ENOX1: variants seen among roughly 807,000 people sequenced by gnomAD.
ENOX1 encodes ecto-NOX disulfide-thiol exchanger 1, also known as candidate growth-related and time keeping constitutive hydroquinone (NADH) oxidase.
Under a neutral mutation model 82.5 loss-of-function variants are expected in ENOX1, and 42 were observed. The observed-to-expected ratio is 0.51, with a 90% CI of 0.40 to 0.66. ENOX1 has a LOEUF of 0.66. ENOX1 is among the 30% of genes least tolerant of loss of function. The pLI is 0.00. For synonymous variants in ENOX1, 271 were observed against 282.2 expected (o/e 0.96, Z 0.40); for missense variants, 608 against 811.6 (o/e 0.75, Z 3.05).
chr13:43,416,768 G>A (rs1191601533), intron 3 of ENOX1, among the ~76,000 whole-genome samples: 1 of 151,356 alleles, frequency 6.6e-6, no homozygotes, highest in Non-Finnish European at 1.5e-5. Context: ...CCCAGACAAT[G>A]GGCAGCCAGG....
chr13:43,747,448 G>A (rs1950085324), intron 1 of ENOX1, among the ~76,000 whole-genome samples: 1 of 152,134 alleles, frequency 6.6e-6, no homozygotes, highest in African/African-American at 2.4e-5. Flanking sequence ...AAGTTTCCCA[G>A]GCATCTGTAA....
intron 2 of ENOX1, among the ~76,000 whole-genome samples, chr13:43,540,858 G>C (rs2078676477): frequency 6.6e-6 from 1 of 152,132 alleles, no homozygotes. Context: ...CCTTTAACTT[G>C]AGAAACAGAA....
At chr13:43,414,682 G>A (rs1339037768) in intron 3 of ENOX1, among the ~76,000 whole-genome samples, 1 of 152,198 alleles carries the variant, frequency 6.6e-6, no homozygotes, top group African/African-American at 2.4e-5. Context: ...TTGTTCAAAT[G>A]GCCCTGTAGC....
chr13:43,607,357 T>C (rs2082020759), intron 2 of ENOX1, among the ~76,000 whole-genome samples: 1 of 152,186 alleles, frequency 6.6e-6, no homozygotes, highest in Admixed American at 6.5e-5. Flanking sequence ...AAGCTTTCTG[T>C]TTTTCCTTTC....
At chr13:43,712,719 G>C (rs1346689763) in intron 1 of ENOX1, among the ~76,000 whole-genome samples, 1 of 152,118 alleles carries the variant, frequency 6.6e-6, no homozygotes, top group Non-Finnish European at 1.5e-5. Flanking sequence ...CTCTCTGTTT[G>C]TTACTGGTGT....
intron 14 of ENOX1, among the ~76,000 whole-genome samples, chr13:43,253,778 T>C (rs922013812): frequency 1.5e-5 from 2 of 132,112 alleles, no homozygotes; most frequent in African/African-American, 5.7e-5. Flanking sequence ...CCTCCCCTGC[T>C]GCCTTCATGA....
intron 1 of ENOX1, among the ~76,000 whole-genome samples, chr13:43,678,402 A>G (rs941797982): frequency 1.3e-5 from 2 of 152,130 alleles, no homozygotes; most frequent in Non-Finnish European, 2.9e-5. Context: ...CTGTAGTTCA[A>G]TTTTTCTGTG....
intron 5 of ENOX1, among the ~76,000 whole-genome samples, chr13:43,402,304 C>T (rs1296712367): frequency 6.6e-6 from 1 of 152,176 alleles, no homozygotes; most frequent in African/African-American, 2.4e-5. Flanking sequence ...AGTTACTCTT[C>T]ATATCTAACT....
chr13:43,314,454 A>G (rs1049477415), intron 11 of ENOX1, among the ~76,000 whole-genome samples: 15 of 152,218 alleles, frequency 9.9e-5, no homozygotes, highest in African/African-American at 3.6e-4. Flanking sequence ...CAGTATCCCT[A>G]GCATCTTCAA....
chr13:43,464,932 A>G (rs1481077689), intron 3 of ENOX1, among the ~76,000 whole-genome samples: 2 of 152,102 alleles, frequency 1.3e-5, no homozygotes, highest in African/African-American at 2.4e-5. Flanking sequence ...CTTGATGTGT[A>G]TTAGCCAAGT....
intron 2 of ENOX1, among the ~76,000 whole-genome samples, chr13:43,641,030 G>A (rs1328667716): frequency 1.3e-5 from 2 of 151,994 alleles, no homozygotes; most frequent in Non-Finnish European, 2.9e-5. Flanking sequence ...GAAAGAGAAA[G>A]CAAATGATTT....
At chr13:43,411,339 T>C (rs2054113698) in intron 5 of ENOX1, among the ~76,000 whole-genome samples, 1 of 152,226 alleles carries the variant, frequency 6.6e-6, no homozygotes, top group Admixed American at 6.5e-5. Context: ...ATCTTTTAGA[T>C]GACTTTTGAC....
At chr13:43,405,574 C>T (rs1427976678) in intron 5 of ENOX1, among the ~76,000 whole-genome samples, 1 of 152,138 alleles carries the variant, frequency 6.6e-6, no homozygotes, top group East Asian at 1.9e-4. Flanking sequence ...CTATGGTTAA[C>T]CCCACTTGCA....
intron 2 of ENOX1, among the ~76,000 whole-genome samples, chr13:43,567,163 AAACCTG>A (rs967052369): frequency 2.4e-4 from 37 of 152,278 alleles, no homozygotes; most frequent in African/African-American, 8.4e-4. Flanking sequence ...TATACAACTA[AAACCTG>A]ATAGCATAAT....
intron 2 of ENOX1, among the ~76,000 whole-genome samples, chr13:43,523,093 C>T (rs948812991): frequency 2.6e-5 from 4 of 152,038 alleles, no homozygotes; most frequent in Admixed American, 6.5e-5. Context: ...TCCTGACACA[C>T]ACCACAGTCC....
intron 3 of ENOX1, among the ~76,000 whole-genome samples, chr13:43,483,365 T>C (rs902594970): frequency 6.6e-6 from 1 of 152,226 alleles, no homozygotes; most frequent in African/African-American, 2.4e-5. Context: ...ATAGCAAACA[T>C]GTATTTCCAA....
chr13:43,233,632 C>G (rs983888779), intron 15 of ENOX1, among the ~76,000 whole-genome samples: 8 of 150,720 alleles, frequency 5.3e-5, no homozygotes, highest in Non-Finnish European at 1.0e-4. Context: ...ATTTGAAGAG[C>G]TTTTTTCTCA....
intron 1 of ENOX1, among the ~76,000 whole-genome samples, chr13:43,671,887 G>A (rs1266033249): frequency 2.6e-5 from 4 of 152,170 alleles, no homozygotes; most frequent in Admixed American, 2.0e-4. Context: ...GGAAAAGCCA[G>A]TAGTGGAAAT....
chr13:43,329,005 C>T (rs2048274597), intron 9 of ENOX1, among the ~76,000 whole-genome samples: 1 of 152,162 alleles, frequency 6.6e-6, no homozygotes, highest in African/African-American at 2.4e-5. Flanking sequence ...TTTGAAGACA[C>T]AGAGAAGAGA....
Sources: allele counts gnomAD v4.1 joint callset (sites outside exome capture counted in the v4.1 genomes callset), GRCh38; gene constraint gnomAD v4.1.1; transcripts MANE v1.5; gene names NCBI Gene and HGNC (gene_info 2026-07-23, HGNC 2026-07-21).